Variants in SLTM observed in about 807,000 individuals in gnomAD.
SLTM encodes the protein SAFB like transcription modulator.
A neutral mutation model predicts 134.6 loss-of-function variants in SLTM; 43 were observed. That is an observed-to-expected ratio of 0.32 (90% CI 0.25 to 0.41). The LOEUF (loss-of-function observed/expected upper bound fraction) is 0.41, where lower values mean the gene tolerates loss of function less well. Among genes scored for constraint, SLTM ranks in the 10% least tolerant of loss-of-function variants. The pLI is 1.00. For missense variants in SLTM, 1,055 were observed against 1,288.8 expected (o/e 0.82, Z 2.78); for synonymous variants, 424 against 432.3 (o/e 0.98, Z 0.24).
At chr15:58,930,374 C>T (rs1280657265) in intron 2 of SLTM, among the ~76,000 whole-genome samples, 1 of 151,120 alleles carries the variant, frequency 6.6e-6, no homozygotes, top group African/African-American at 2.4e-5. Flanking sequence ...AGGTGATCCA[C>T]CCGCCTCAGC....
intron 19 of SLTM, 115 bp downstream of exon 19, chr15:58,886,860 C>A (rs1476512734): frequency 7.9e-7 from 1 of 1,266,276 alleles, no homozygotes; most frequent in African/African-American, 1.5e-5. Context: ...GCCTCTGAAT[C>A]ATTCCAATCT....
intron 2 of SLTM, among the ~76,000 whole-genome samples, chr15:58,926,815 T>C (rs1386789551): frequency 6.6e-6 from 1 of 152,130 alleles, no homozygotes; most frequent in Non-Finnish European, 1.5e-5. Flanking sequence ...GGTTTCACCA[T>C]GTTGGCCAGG....
At chr15:58,919,551 A>C (rs1486530933) in intron 2 of SLTM, among the ~76,000 whole-genome samples, 1 of 152,090 alleles carries the variant, frequency 6.6e-6, no homozygotes, top group Non-Finnish European at 1.5e-5. Flanking sequence ...GCTTGAACCC[A>C]GGAGGGCAAG....
intron 2 of SLTM, among the ~76,000 whole-genome samples, chr15:58,929,534 T>C (rs540911315): frequency 6.6e-6 from 1 of 152,344 alleles, no homozygotes; most frequent in East Asian, 1.9e-4. Flanking sequence ...TCATTATTGA[T>C]ATTTTAATAA....
chr15:58,930,810 A>T (rs2037825766), intron 2 of SLTM, among the ~76,000 whole-genome samples: 1 of 150,190 alleles, frequency 6.7e-6, no homozygotes, highest in Non-Finnish European at 1.5e-5. Context: ...TATTGAAAAA[A>T]CCCTTAAAAT....
chr15:58,912,685 CTG>C, intron 4 of SLTM, 75 bp from the exon 5 acceptor site: 3 of 1,185,438 alleles, frequency 2.5e-6, no homozygotes, highest in South Asian at 2.6e-5. Context: ...ATGCTTACAC[CTG>C]ATTATCATTT....
At chr15:58,911,137 A>C (rs558952731) in intron 5 of SLTM, among the ~76,000 whole-genome samples, 2 of 152,276 alleles carry the variant, frequency 1.3e-5, no homozygotes, top group Admixed American at 1.3e-4. Flanking sequence ...AATATTCCAA[A>C]TGATCAGCAA....
At chr15:58,930,510 T>C (rs2037800098) in intron 2 of SLTM, among the ~76,000 whole-genome samples, 1 of 151,598 alleles carries the variant, frequency 6.6e-6, no homozygotes. Context: ...GTATAACCCA[T>C]ACAAAGAAAA....
At chr15:58,914,519 G>T (rs2036497044) in intron 3 of SLTM, among the ~76,000 whole-genome samples, 1 of 152,202 alleles carries the variant, frequency 6.6e-6, no homozygotes, top group African/African-American at 2.4e-5. Flanking sequence ...TTTGGAAGGT[G>T]GAGTCCTTGG....
At chr15:58,887,148 G>A (rs770834420) in intron 18 of SLTM, 29 bp from the exon 19 acceptor site, 2 of 1,613,444 alleles carry the variant, frequency 1.2e-6, no homozygotes, top group Non-Finnish European at 1.7e-6. Flanking sequence ...AAACATACAT[G>A]ATCAAAACTG....
intron 5 of SLTM, among the ~76,000 whole-genome samples, chr15:58,907,062 G>C (rs1406889948): frequency 6.6e-6 from 1 of 152,082 alleles, no homozygotes; most frequent in Non-Finnish European, 1.5e-5. Flanking sequence ...AACCATATAA[G>C]ATATATCAAG....
chr15:58,914,023 T>C (rs911234700), intron 3 of SLTM, among the ~76,000 whole-genome samples: 1 of 152,234 alleles, frequency 6.6e-6, no homozygotes, highest in Non-Finnish European at 1.5e-5. Context: ...GCTTCATTTT[T>C]CCATGTGCCA....
intron 2 of SLTM, among the ~76,000 whole-genome samples, chr15:58,923,514 A>G (rs980923034): frequency 6.6e-6 from 1 of 152,182 alleles, no homozygotes; most frequent in Admixed American, 6.6e-5. Context: ...CTACCTCTGC[A>G]GGTCCCTAAC....
At chr15:58,894,010 A>G in intron 11 of SLTM, 23 bp from the exon 12 acceptor site, 1 of 1,601,702 alleles carries the variant, frequency 6.2e-7, no homozygotes, top group Non-Finnish European at 8.5e-7. Flanking sequence ...CCCCAGACAA[A>G]AAAACAGAAT....
At chr15:58,887,606 CT>C (rs1485809657) in intron 17 of SLTM, 66 bp from the exon 18 acceptor site, 1 of 1,527,446 alleles carries the variant, frequency 6.5e-7, no homozygotes, top group Non-Finnish European at 8.7e-7. Context: ...TTCTTCTTAA[CT>C]TTGTCTGCAT....
intron 3 of SLTM, among the ~76,000 whole-genome samples, chr15:58,914,587 G>A (rs2036501996): frequency 1.3e-5 from 2 of 152,276 alleles, no homozygotes; most frequent in South Asian, 4.1e-4. Context: ...GGGAGCGTGA[G>A]GGGATGAAAA....
Position 58,893,279 on chromosome 15 carries a change from T to C in SLTM, c.1734A>G (p.Lys578=), listed in dbSNP as rs1233920920. Residue 578 remains lysine, a splice_region_variant and synonymous_variant, in exon 13 of 21, where the codon AAA becomes AAG. Coordinates refer to ENST00000380516, the MANE Select transcript of SLTM (RefSeq NM_024755.4). ...CRPSRRGRYE[K]IHGRSKEKER... ...ACAACCATCCTGATCAGAGACTTAC[T>C]TTCTCATATCTTCCTCTTCTTGATG... 1.2e-6 allele frequency: 2 copies of C among 1,605,174 alleles called. No homozygotes were observed. Among genetic ancestry groups the C allele is most frequent in the Non-Finnish European group, 1.7e-6 (2 of 1,174,368 alleles).
At chr15:58,931,687 C>T (rs1455215376) in intron 2 of SLTM, among the ~76,000 whole-genome samples, 1 of 152,184 alleles carries the variant, frequency 6.6e-6, no homozygotes, top group Non-Finnish European at 1.5e-5. Flanking sequence ...GCAAAACGTT[C>T]ATTTAAAACC....
At chr15:58,912,784 T>A in intron 4 of SLTM, 174 bp from the exon 5 acceptor site, 1 of 545,148 alleles carries the variant, frequency 1.8e-6, no homozygotes, top group Non-Finnish European at 3.3e-6. Context: ...CCAAAAAAAA[T>A]TAGCCATGTC....
Sources: gnomAD v4.1 joint callset for allele counts (sites outside exome capture counted in the v4.1 genomes callset) on GRCh38, gnomAD v4.1.1 for gene constraint, MANE v1.5 for transcripts, NCBI Gene and HGNC (gene_info 2026-07-23, HGNC 2026-07-21) for gene names.